Variants in SRP54 observed in about 807,000 individuals in gnomAD.
SRP54 encodes signal recognition particle subunit SRP54.
In SRP54, 10 loss-of-function variants were observed where a neutral mutation model predicts 64.8. That is an observed-to-expected ratio of 0.15 (90% CI 0.10 to 0.26). The LOEUF is 0.26. Ranked by LOEUF, SRP54 falls within the 10% of genes least tolerant of loss-of-function variation. SRP54 has a pLI of 1.00. For missense variants in SRP54, 325 were observed against 613.7 expected, an observed-to-expected ratio of 0.53 and a Z score of 4.97; for synonymous variants, 193 against 185.6, an observed-to-expected ratio of 1.04 and a Z score of -0.32.
chr14:34,996,961 C>T, intron 2 of SRP54, 174 bp downstream of exon 2: 1 of 413,506 alleles, frequency 2.4e-6, no homozygotes, highest in Middle Eastern at 6.4e-4. Context: ...TTAACTACAA[C>T]TTCAAATTTA....
At chr14:35,006,681 G>A (rs573961898) in intron 4 of SRP54, among the ~76,000 whole-genome samples, 36 of 152,252 alleles carry the variant, frequency 2.4e-4, no homozygotes, top group African/African-American at 8.7e-4. Context: ...TGCTGATGTA[G>A]ATTCCTCCTG....
intron 7 of SRP54, among the ~76,000 whole-genome samples, chr14:35,010,793 TA>T (rs915092847): frequency 1.1e-4 from 16 of 149,692 alleles, no homozygotes; most frequent in African/African-American, 2.7e-4. Flanking sequence ...ACATAAAAAT[TA>T]AAAAAAAAAT....
chr14:35,007,697 GATTTTATTAAAATATATTTACATAAAA>G (rs2044286394), intron 5 of SRP54, among the ~76,000 whole-genome samples: 3 of 103,786 alleles, frequency 2.9e-5, no homozygotes, highest in African/African-American at 9.0e-5. Context: ...ACATAAAATA[GATTTTATTAAAATATATTTACATAAAA>G]TAGATTTTAT....
rs115840076 is a variant in SRP54 at position 35,008,759 on chromosome 14, C to T, written c.428-15C>T. On this transcript the variant is annotated splice_polypyrimidine_tract_variant and intron_variant, in intron 6 of 15. Coordinates refer to ENST00000216774, the MANE Select transcript of SRP54 (RefSeq NM_003136.4). ...ATTTTCAAGTTTGAGGATTCATGAA[C>T]TCTTTATCTTCCAGGGGCTTTTGAC... 1,821 of 1,605,212 alleles carry T rather than the reference C, an allele frequency of 1.1e-3. 24 individuals carry two copies. The African/African-American group carries it at 0.023, about 20-fold the overall frequency.
At position 34,988,388 on chromosome 14, in the gene SRP54, C is replaced by G. The variant is rs367995165; in HGVS notation, c.-34+5173C>G. The stretch of plus-strand genomic sequence containing the variant: ...ACCATCCTGGCCAACATGGTGAAAC[C>G]CCGTCTCTACTAAAAATACAAAAAT... On this transcript the variant is annotated intron_variant, in intron 1 of 15. Coordinates refer to ENST00000216774, the MANE Select transcript of SRP54 (RefSeq NM_003136.4). Among the ~76,000 whole-genome samples, 11 of 149,856 alleles carry G rather than the reference C, an allele frequency of 7.3e-5. No homozygotes were observed. In the South Asian group the frequency reaches 8.5e-4, roughly 12 times the overall value.
At chr14:35,004,443 C>A (rs1175072931) in intron 4 of SRP54, 1 of 152,044 alleles carries the variant, frequency 6.6e-6, no homozygotes, top group Non-Finnish European at 1.5e-5. Context: ...ATAGCTAGTG[C>A]GTGATGTTAC....
At chr14:35,015,876 C>G (rs2044430217) in intron 11 of SRP54, among the ~76,000 whole-genome samples, 1 of 152,178 alleles carries the variant, frequency 6.6e-6, no homozygotes, top group South Asian at 2.1e-4. Context: ...ACTCATGTAT[C>G]TGTGTTTACT....
At chr14:35,010,142 C>G (rs759765337) in intron 7 of SRP54, among the ~76,000 whole-genome samples, 1 of 150,166 alleles carries the variant, frequency 6.7e-6, no homozygotes, top group Non-Finnish European at 1.5e-5. Flanking sequence ...AGCTAGACAC[C>G]GTTTAAAAAA....
chr14:34,985,977 A>G (rs896411968), intron 1 of SRP54, among the ~76,000 whole-genome samples: 1 of 152,126 alleles, frequency 6.6e-6, no homozygotes, highest in South Asian at 2.1e-4. Flanking sequence ...GTTAAGGCCA[A>G]CTTTCCAAGG....
chr14:35,018,631 G>A (rs2044479131), intron 11 of SRP54, 61 bp from the exon 12 acceptor site: 2 of 1,333,978 alleles, frequency 1.5e-6, no homozygotes, highest in Admixed American at 2.0e-5. Context: ...GAATAAATTA[G>A]TTTTGTTGAA....
intron 4 of SRP54, 151 bp downstream of exon 4, chr14:35,001,171 G>A (rs945019643): frequency 7.0e-6 from 2 of 283,876 alleles, no homozygotes; most frequent in African/African-American, 4.6e-5. Context: ...GTTTTCTTAG[G>A]GACCTTTTTT....
intron 1 of SRP54, among the ~76,000 whole-genome samples, chr14:34,993,660 A>G (rs934449396): frequency 6.6e-6 from 1 of 151,694 alleles, no homozygotes; most frequent in African/African-American, 2.4e-5. Context: ...TGAGTCAGCT[A>G]TTTCATCTTC....
At chr14:35,027,064 C>G (rs564104930) in intron 14 of SRP54, among the ~76,000 whole-genome samples, 1 of 142,326 alleles carries the variant, frequency 7.0e-6, no homozygotes, top group Non-Finnish European at 1.5e-5. Context: ...GAGTCTTGCT[C>G]TGTCGCCCAG....
intron 1 of SRP54, among the ~76,000 whole-genome samples, chr14:34,990,473 A>G (rs1168687536): frequency 6.6e-6 from 1 of 152,148 alleles, no homozygotes; most frequent in Non-Finnish European, 1.5e-5. Flanking sequence ...AAATTGTTGT[A>G]AGAGTGAAAT....
Position 35,013,409 on chromosome 14 carries a change from A to G in SRP54, c.700A>G (p.Lys234Glu). 1.9e-6 allele frequency: 3 copies of G among 1,614,158 alleles called. No homozygotes were observed. Among genetic ancestry groups the G allele is most frequent in the Non-Finnish European group, 1.7e-6 (2 of 1,179,984 alleles). Residue 234 changes from lysine (K) to glutamate (E), a missense_variant, in exon 9 of 16, where the codon AAG (lysine) becomes GAG (glutamate). Lys to Glu is a moderately conservative substitution (Grantham distance 56). Around this residue, in one of 3 missense-constraint regions of SRP54, gnomAD observed 146 missense variants for 337.4 expected, o/e 0.43. Coordinates refer to ENST00000216774, the MANE Select transcript of SRP54 (RefSeq NM_003136.4). The stretch of plus-strand genomic sequence containing the variant: ...TGGGCAGGCTTGTGAAGCCCAGGCT[A>G]AGGCTTTTAAAGATAAAGTAGATGT... The part of the protein sequence containing the change: ...SIGQACEAQA[K>E]AFKDKVDVAS...
At chr14:35,007,600 A>T (rs1203136587) in intron 5 of SRP54, among the ~76,000 whole-genome samples, 3 of 144,986 alleles carry the variant, frequency 2.1e-5, no homozygotes, top group African/African-American at 5.0e-5. Flanking sequence ...ATAATAAAAT[A>T]TATTTACATA....
chr14:35,011,012 G>A (rs1402030635), intron 7 of SRP54, among the ~76,000 whole-genome samples: 2 of 152,010 alleles, frequency 1.3e-5, no homozygotes, highest in South Asian at 2.1e-4. Context: ...CTGCAGTGTC[G>A]AACTCATGGA....
chr14:35,002,324 C>T (rs1011982016), intron 4 of SRP54, among the ~76,000 whole-genome samples: 2 of 151,792 alleles, frequency 1.3e-5, no homozygotes, highest in East Asian at 1.9e-4. Context: ...ACTGCACTCC[C>T]GACTGGGGGA....
intron 1 of SRP54, among the ~76,000 whole-genome samples, chr14:34,983,538 A>G (rs1036937144): frequency 6.6e-6 from 1 of 152,172 alleles, no homozygotes; most frequent in African/African-American, 2.4e-5. Context: ...CTTGTACGAG[A>G]CTTTTATTTT....
Sources: allele counts gnomAD v4.1 joint callset (sites outside exome capture counted in the v4.1 genomes callset), GRCh38; gene constraint gnomAD v4.1.1; regional missense constraint gnomAD v4.1.1; transcripts MANE v1.5; gene names NCBI Gene and HGNC (gene_info 2026-07-23, HGNC 2026-07-21).